Variants in DLG2 observed in about 807,000 individuals in gnomAD.
DLG2 encodes disks large homolog 2.
DLG2 carries 45 observed loss-of-function variants against 132.5 expected under a neutral mutation model. That is an observed-to-expected ratio of 0.34 (90% CI 0.27 to 0.44). The LOEUF is 0.44. Among genes scored for constraint, DLG2 ranks in the 20% least tolerant of loss-of-function variants. DLG2 has a pLI of 1.00. For missense variants in DLG2, 1,045 were observed against 1,196.9 expected (o/e 0.87, Z 1.87); for synonymous variants, 424 against 419.6 (o/e 1.01, Z -0.13).
At chr11:84,342,897 G>T (rs79239002) in intron 7 of DLG2, among the ~76,000 whole-genome samples, 188 of 152,230 alleles carry the variant, frequency 1.2e-3, no homozygotes, top group African/African-American at 4.3e-3. Context: ...TGTGAATTTG[G>T]AATGTGTGCT....
intron 21 of DLG2, among the ~76,000 whole-genome samples, chr11:83,495,948 C>T (rs1010335174): frequency 9.2e-5 from 14 of 151,912 alleles, no homozygotes; most frequent in African/African-American, 3.4e-4. Flanking sequence ...ATGTAAAAAG[C>T]ACAAATGATA....
intron 18 of DLG2, among the ~76,000 whole-genome samples, chr11:83,655,964 G>T (rs1316779680): frequency 6.6e-6 from 1 of 152,224 alleles, no homozygotes; most frequent in Non-Finnish European, 1.5e-5. Context: ...TGCCTAAACA[G>T]TGCAGTAGGA....
intron 6 of DLG2, among the ~76,000 whole-genome samples, chr11:85,096,832 G>A (rs2069891189): frequency 6.6e-6 from 1 of 152,134 alleles, no homozygotes; most frequent in South Asian, 2.1e-4. Flanking sequence ...AAAGAGATTA[G>A]CGTGGCCACT....
At chr11:85,224,815 G>T (rs188787391) in intron 4 of DLG2, among the ~76,000 whole-genome samples, 1 of 152,234 alleles carries the variant, frequency 6.6e-6, no homozygotes, top group East Asian at 1.9e-4. Flanking sequence ...TTTATATGTG[G>T]TTAACATAAT....
At chr11:83,639,715 A>G (rs1030070306) in intron 18 of DLG2, among the ~76,000 whole-genome samples, 2 of 151,848 alleles carry the variant, frequency 1.3e-5, no homozygotes, top group Non-Finnish European at 2.9e-5. Flanking sequence ...TATGTAACAA[A>G]CCTGCATGTT....
chr11:85,430,101 C>T (rs183432700), intron 3 of DLG2, among the ~76,000 whole-genome samples: 2 of 151,046 alleles, frequency 1.3e-5, no homozygotes, highest in Non-Finnish European at 2.9e-5. Flanking sequence ...AGCAAACTAT[C>T]GCAAGGACAA....
At chr11:83,830,637 CAAG>C (rs2054222614) in intron 17 of DLG2, among the ~76,000 whole-genome samples, 1 of 152,112 alleles carries the variant, frequency 6.6e-6, no homozygotes, top group African/African-American at 2.4e-5. Context: ...CGGTGTGCAC[CAAG>C]AAGATGTGCC....
At chr11:84,034,440 T>C (rs2154095952) in intron 11 of DLG2, among the ~76,000 whole-genome samples, 1 of 152,334 alleles carries the variant, frequency 6.6e-6, no homozygotes, top group African/African-American at 2.4e-5. Context: ...TGGTCTAGAA[T>C]GAGACTGCAA....
At chr11:84,046,875 C>T (rs1186059359) in intron 11 of DLG2, among the ~76,000 whole-genome samples, 1 of 151,550 alleles carries the variant, frequency 6.6e-6, no homozygotes, top group Non-Finnish European at 1.5e-5. Context: ...TATCTATCTA[C>T]AATTGAGTTA....
intron 6 of DLG2, among the ~76,000 whole-genome samples, chr11:84,803,747 G>A (rs906801353): frequency 3.9e-5 from 6 of 152,110 alleles, no homozygotes; most frequent in African/African-American, 1.2e-4. Flanking sequence ...GGTCTGCCTC[G>A]ACTAGCCCAT....
At chr11:84,823,271 G>A (rs972185327) in intron 6 of DLG2, among the ~76,000 whole-genome samples, 2 of 151,624 alleles carry the variant, frequency 1.3e-5, no homozygotes, top group African/African-American at 2.4e-5. Context: ...TGACCTACTA[G>A]TATTATAGAA....
At chr11:83,843,634 G>A (rs76054949) in intron 16 of DLG2, among the ~76,000 whole-genome samples, 2,544 of 151,840 alleles carry the variant, frequency 0.017, 75 homozygotes, top group African/African-American at 0.058. Context: ...TGAGTGGTTG[G>A]GAAAAATGAT....
intron 6 of DLG2, among the ~76,000 whole-genome samples, chr11:84,575,177 T>C (rs927109627): frequency 1.3e-5 from 2 of 152,198 alleles, no homozygotes; most frequent in African/African-American, 2.4e-5. Flanking sequence ...CAGTGTCCCA[T>C]ACATTCAGGA....
chr11:84,598,777 T>TAA (rs780576535), intron 6 of DLG2, among the ~76,000 whole-genome samples: 6 of 142,430 alleles, frequency 4.2e-5, no homozygotes, highest in African/African-American at 1.6e-4. Flanking sequence ...AGAAAAACAT[T>TAA]AAAAAAAAAA....
chr11:85,138,514 C>T (rs2076262850), intron 5 of DLG2, among the ~76,000 whole-genome samples: 1 of 152,112 alleles, frequency 6.6e-6, no homozygotes, highest in Non-Finnish European at 1.5e-5. Flanking sequence ...TTGCTAAATG[C>T]CATTCCCATA....
In DLG2 at chr11:84,164,661, T is replaced by C. The variant is rs537764567; in HGVS notation, c.574-1150A>G. Among the ~76,000 whole-genome samples, 11 of 152,328 alleles carry C rather than the reference T, an allele frequency of 7.2e-5. No individual in the cohort carries two copies. The South Asian group carries it at 2.3e-3, about 32-fold the overall frequency. The stretch of plus-strand genomic sequence containing the variant: ...CTTGTGTAATTTATAAACATAGATA[T>C]TTGTGGATTCTCTTTTGTAACAAAA... On this transcript the variant is annotated intron_variant, in intron 8 of 27. Coordinates refer to ENST00000376104, the MANE Select transcript of DLG2 (RefSeq NM_001142699.3).
At chr11:84,494,766 G>C (rs558035729) in intron 7 of DLG2, among the ~76,000 whole-genome samples, 2 of 152,132 alleles carry the variant, frequency 1.3e-5, no homozygotes, top group Admixed American at 6.6e-5. Flanking sequence ...CAGGATCTAA[G>C]TGTTGGATGA....
chr11:83,832,591 C>G (rs1235215490), intron 17 of DLG2, among the ~76,000 whole-genome samples: 1 of 151,978 alleles, frequency 6.6e-6, no homozygotes, highest in Non-Finnish European at 1.5e-5. Context: ...ACAATAGGCA[C>G]TGGGGACTCC....
At chr11:85,579,230 C>G (rs535066110) in intron 3 of DLG2, among the ~76,000 whole-genome samples, 2 of 151,984 alleles carry the variant, frequency 1.3e-5, no homozygotes, top group African/African-American at 4.8e-5. Context: ...TGGAGCCTTT[C>G]GAAGGGTGAA....
Sources: allele counts gnomAD v4.1 joint callset (sites outside exome capture counted in the v4.1 genomes callset), GRCh38; gene constraint gnomAD v4.1.1; transcripts MANE v1.5; gene names NCBI Gene and HGNC (gene_info 2026-07-23, HGNC 2026-07-21).